Variants in MMP13 observed in about 807,000 individuals in gnomAD.
MMP13 encodes matrix metallopeptidase 13, also known as collagenase 3.
Under a neutral mutation model 52.1 loss-of-function variants are expected in MMP13, and 45 were observed. That is an observed-to-expected ratio of 0.86 (90% CI 0.68 to 1.11). The LOEUF (loss-of-function observed/expected upper bound fraction) is 1.11, where lower values mean the gene tolerates loss of function less well. MMP13 is among the 50% of genes least tolerant of loss of function. The pLI, the probability that MMP13 is intolerant of heterozygous loss-of-function variation, is 0.00. For missense variants in MMP13, 576 were observed against 583.8 expected (o/e 0.99, Z 0.14); for synonymous variants, 200 against 204.4 (o/e 0.98, Z 0.18).
chr11:102,948,170 T>C, intron 7 of MMP13, 120 bp from the exon 8 acceptor site: 3 of 767,870 alleles, frequency 3.9e-6, no homozygotes, highest in South Asian at 1.8e-5. Context: ...AAATATTTAG[T>C]ATTTACAGTC....
Position 102,950,228 on chromosome 11 carries a change from C to A in MMP13, c.800-1G>T. On this transcript the variant is annotated splice_acceptor_variant, in intron 5 of 9. Coordinates refer to ENST00000260302, the MANE Select transcript of MMP13 (RefSeq NM_002427.4). LOFTEE classifies it high-confidence loss of function. ...GGGTTGGGGTCTTCATCTCCTGGAC[C>A]TGTAGTCGTGAAAGGCAAGAGAGAA... 1 of 1,608,588 alleles carries A rather than the reference C, an allele frequency of 6.2e-7. No homozygotes were observed. Among genetic ancestry groups the A allele is most frequent in the Admixed American group, 1.7e-5 (1 of 59,970 alleles).
chr11:102,947,604 G>A (rs530957000), intron 8 of MMP13, among the ~76,000 whole-genome samples: 1 of 151,908 alleles, frequency 6.6e-6, no homozygotes, highest in South Asian at 2.1e-4. Flanking sequence ...GGGTGCCAAA[G>A]ATGGTTGAGA....
chr11:102,950,731 T>C (rs1203593269), intron 5 of MMP13, among the ~76,000 whole-genome samples: 2 of 152,182 alleles, frequency 1.3e-5, no homozygotes, highest in Non-Finnish European at 2.9e-5. Context: ...TCAGCACTTA[T>C]GTGACTTGCG....
At position 102,949,996 on chromosome 11, in the gene MMP13, A is replaced by G. The variant is rs1390885504; in HGVS notation, c.917+114T>C. ...AAATATGTAAATAAACTGCCTGCCC[A>G]TTTTTACTGCTAACTTCGCCTTTGG... On this transcript the variant is annotated intron_variant, in intron 6 of 9. Coordinates refer to ENST00000260302, the MANE Select transcript of MMP13 (RefSeq NM_002427.4). The surrounding 1 kb of genome is among the most constrained non-coding windows in gnomAD (Gnocchi z 4.2). 1 of 873,094 alleles carries G rather than the reference A, an allele frequency of 1.1e-6. No homozygotes were observed. The highest frequency in any genetic ancestry group is 1.7e-5 in the Admixed American group (1 of 58,542). The allele number at this position is 873,094 out of a possible 1,614,324, so 54.1% of individuals were successfully genotyped here. A position where few individuals can be genotyped will look rare whatever the true frequency, so the allele number is the denominator to read the frequency against.
intron 9 of MMP13, 84 bp downstream of exon 9, chr11:102,945,562 C>A: frequency 1.2e-6 from 1 of 860,192 alleles, no homozygotes; most frequent in South Asian, 1.4e-5. Context: ...CATCTAGGTC[C>A]TATATAAAAA....
intron 3 of MMP13, 34 bp from the exon 4 acceptor site, chr11:102,954,315 A>G: frequency 6.2e-7 from 1 of 1,613,554 alleles, no homozygotes; most frequent in Non-Finnish European, 8.5e-7. Context: ...GAGTCTTATC[A>G]CATCCAGGAG....
At position 102,954,412 on chromosome 11, in the gene MMP13, A is replaced by C. The variant is rs1860663301; in HGVS notation, c.511+46T>G. 3 of 1,598,054 alleles carry C rather than the reference A, an allele frequency of 1.9e-6. No homozygotes were observed. In the South Asian group the frequency reaches 3.3e-5, roughly 18 times the overall value. On this transcript the variant is annotated intron_variant, in intron 3 of 9. Coordinates refer to ENST00000260302, the MANE Select transcript of MMP13 (RefSeq NM_002427.4). ...AATAAATAATTTTAAAATGGAACCA[A>C]GAATTAGAATATAAAAATGTTTGTA...
In MMP13 at chr11:102,952,299, G is replaced by A; in HGVS notation, c.638-126C>T. ...ATATACTTTCTTTTCTCTTTCTTCA[G>A]TCTCCTACTTTTTAAAATCAATATT... On this transcript the variant is annotated intron_variant, in intron 4 of 9. Transcript: ENST00000260302. This position sits in a 1 kb window ranked among gnomAD's most constrained non-coding sequence, Gnocchi z 4.3. The A allele has an allele frequency of 9.9e-7, 1 of 1,009,808 alleles. No individual in the cohort carries two copies. The highest frequency in any genetic ancestry group is 1.4e-5 in the South Asian group (1 of 71,716). The allele number at this position is 1,009,808 out of a possible 1,614,324, so 62.6% of individuals were successfully genotyped here. A position where few individuals can be genotyped will look rare whatever the true frequency, so the allele number is the denominator to read the frequency against.
rs912922788 is a variant in MMP13, at chr11:102,951,940, A to T, written c.799+72T>A. The T allele has an allele frequency of 7.9e-6, 12 of 1,522,884 alleles. No homozygotes were observed. The African/African-American group carries it at 1.5e-4, about 19-fold the overall frequency. 94.3% of individuals were successfully genotyped at this position (1,522,884 alleles called of 1,614,324 possible). A position where few individuals can be genotyped will look rare whatever the true frequency, so the allele number is the denominator to read the frequency against. ...AACATTATTATGCAGCATGACTGCA[A>T]TTTAGAAAATAAATGCATGGGTTTC... On this transcript the variant is annotated intron_variant, in intron 5 of 9. Coordinates refer to ENST00000260302, the MANE Select transcript of MMP13 (RefSeq NM_002427.4).
Position 102,949,832 on chromosome 11 carries a change from A to G in MMP13, c.917+278T>C, listed in dbSNP as rs1555017108. On this transcript the variant is annotated intron_variant, in intron 6 of 9. Transcript: ENST00000260302. This position sits in a 1 kb window ranked among gnomAD's most constrained non-coding sequence, Gnocchi z 4.2. ...TTACTTTCAATGCTTGTCTGTTTTT[A>G]AAACAAATGGGATTTCTAGATTTTC... 6.6e-6 allele frequency among the ~76,000 whole-genome samples: 1 copy of G among 152,214 alleles called. No individual in the cohort carries two copies. The highest frequency in any genetic ancestry group is 1.5e-5 in the Non-Finnish European group (1 of 68,030).
chr11:102,953,664 T>C (rs1591158466), intron 4 of MMP13, among the ~76,000 whole-genome samples: 1 of 152,304 alleles, frequency 6.6e-6, no homozygotes, highest in East Asian at 1.9e-4. Flanking sequence ...TTAAGAATAG[T>C]GTTTACAATA....
At position 102,952,649 on chromosome 11, in the gene MMP13, A is replaced by G. The variant is rs1860631115; in HGVS notation, c.638-476T>C. Among the ~76,000 whole-genome samples the G allele has an allele frequency of 6.6e-6, 1 of 152,138 alleles. No individual in the cohort carries two copies. Among genetic ancestry groups the G allele is most frequent in the Non-Finnish European group, 1.5e-5 (1 of 68,012 alleles). On this transcript the variant is annotated intron_variant, in intron 4 of 9. Transcript: ENST00000260302. The surrounding 1 kb of genome is among the most constrained non-coding windows in gnomAD (Gnocchi z 4.3). ...TGGTACCAAGGATGGAGGATGCACT[A>G]AATAGGTTCTCTGTGTTTACTCTTG...
chr11:102,944,285 T>C lies in MMP13; in HGVS notation c.1397A>G (p.Asn466Ser). The part of the protein sequence containing the change: ...SNRIVRVMPA[N>S]SILWC ...AGACACTTAACACCACAAAATGGAA[T>C]TTGCTGGCATGACGCGAACAATACG... The change falls in exon 10 of 10, where the codon AAT becomes AGT. Residue 466 changes from asparagine (N) to serine (S), a missense_variant. Transcript: ENST00000260302. 1 of 1,613,136 alleles carries C rather than the reference T, an allele frequency of 6.2e-7. No individual in the cohort carries two copies. The highest frequency in any genetic ancestry group is 2.2e-5 in the East Asian group (1 of 44,840).
intron 6 of MMP13, 71 bp downstream of exon 6, chr11:102,950,039 T>G (rs1246584165): frequency 7.7e-7 from 1 of 1,298,582 alleles, no homozygotes; most frequent in South Asian, 1.2e-5. Flanking sequence ...ACAGGATGTT[T>G]TGGCAATATG....
chr11:102,955,115 G>T lies in MMP13; in HGVS notation c.362+137C>A. Reference sequence around the variant, plus strand: ...TTAATGTAACAATAATAGATGTTATGAGGTATTCTCGGCAACCATATTAAA... The same window carrying T: ...TTAATGTAACAATAATAGATGTTATTAGGTATTCTCGGCAACCATATTAAA... On this transcript the variant is annotated intron_variant, in intron 2 of 9. Coordinates refer to ENST00000260302, the MANE Select transcript of MMP13 (RefSeq NM_002427.4). The surrounding 1 kb of genome is among the most constrained non-coding windows in gnomAD (Gnocchi z 4.9). The T allele has an allele frequency of 1.1e-6, 1 of 900,010 alleles. No homozygotes were observed. Among genetic ancestry groups the T allele is most frequent in the East Asian group, 2.6e-5 (1 of 38,118 alleles). 55.8% of individuals were successfully genotyped at this position (900,010 alleles called of 1,614,324 possible). A position where few individuals can be genotyped will look rare whatever the true frequency, so the allele number is the denominator to read the frequency against.
rs1215391516 is a variant in MMP13, at chr11:102,952,051, G to T, written c.760C>A (p.Leu254Ile). Residue 254 changes from leucine to isoleucine, a missense_variant, in exon 5 of 10, where the codon CTT (leucine) becomes ATT (isoleucine). Transcript: ENST00000260302. This position sits in a 1 kb window ranked among gnomAD's most constrained non-coding sequence, Gnocchi z 4.3. ...ATCCCTTGTACATCGTCATCAGGAA[G>T]CATAAAGTGGCTTTTGCCGGTGTAG... ...YTYTGKSHFM[L>I]PDDDVQGIQS... 6.2e-7 allele frequency: 1 copy of T among 1,613,376 alleles called. No individual in the cohort carries two copies. Among genetic ancestry groups the T allele is most frequent in the Non-Finnish European group, 8.5e-7 (1 of 1,179,436 alleles).
intron 5 of MMP13, among the ~76,000 whole-genome samples, chr11:102,951,431 T>C (rs781824430): frequency 1.3e-5 from 2 of 152,164 alleles, no homozygotes; most frequent in Non-Finnish European, 2.9e-5. Flanking sequence ...CAAATGCACA[T>C]TGCAATGTAT....
chr11:102,948,945 T>C (rs1860561469), intron 7 of MMP13, 80 bp downstream of exon 7: 1 of 1,565,172 alleles, frequency 6.4e-7, no homozygotes, highest in African/African-American at 1.4e-5. Context: ...GTAGTGATCA[T>C]TTTACTGAAT....
Position 102,955,706 on chromosome 11 carries a change from C to T in MMP13, c.-1G>A, listed in dbSNP as rs780882166. 1.9e-6 allele frequency: 3 copies of T among 1,613,776 alleles called. No individual in the cohort carries two copies. Among genetic ancestry groups the T allele is most frequent in the African/African-American group, 1.3e-5 (1 of 74,898 alleles). ...AGGCAGCCAGGACCCCTGGATGCAT[C>T]TTGAATGGTGATGCCTGGGGACTGT... On this transcript the variant is annotated 5_prime_UTR_variant, in exon 1 of 10. Transcript: ENST00000260302. The surrounding 1 kb of genome is among the most constrained non-coding windows in gnomAD (Gnocchi z 4.9).
Sources: gnomAD v4.1 joint callset for allele counts (sites outside exome capture counted in the v4.1 genomes callset) on GRCh38, gnomAD v4.1.1 for gene constraint, Gnocchi (gnomAD v3.1) non-coding constraint, MANE v1.5 for transcripts, NCBI Gene and HGNC (gene_info 2026-07-23, HGNC 2026-07-21) for gene names.